Variants in GPSM2 observed in about 807,000 individuals in gnomAD.
The protein encoded by GPSM2 is G protein-signaling modulator 2.
In GPSM2, 58 loss-of-function variants were observed where a neutral mutation model predicts 78.4. That is an observed-to-expected ratio of 0.74 (90% CI 0.60 to 0.92). GPSM2 has a LOEUF of 0.92. Among genes scored for constraint, GPSM2 ranks in the 40% least tolerant of loss-of-function variants. GPSM2 has a pLI of 0.00. For synonymous variants in GPSM2, 224 were observed against 280.2 expected (o/e 0.80, Z 2.00); for missense variants, 700 against 815.5 (o/e 0.86, Z 1.73).
chr1:108,904,182 G>C lies in GPSM2; in HGVS notation c.1120G>C (p.Val374Leu). Residue 374 changes from valine to leucine, a missense_variant, in exon 10 of 15, where the codon GTT becomes CTT. Transcript: ENST00000264126. ...ARLNLSDLQMVLGLSYSTNNS... is the reference protein window; with the variant it reads ...ARLNLSDLQMLLGLSYSTNNS... ...ACTTAATCTCTCAGACCTTCAAATG[G>C]TTCTTGGTCTGAGCTACAGCACAAA... The C allele has an allele frequency of 6.3e-6, 10 of 1,593,650 alleles. No homozygotes were observed. Among genetic ancestry groups the C allele is most frequent in the Non-Finnish European group, 7.7e-6 (9 of 1,162,036 alleles).
intron 1 of GPSM2, among the ~76,000 whole-genome samples, chr1:108,878,755 G>T (rs1436541149): frequency 6.6e-6 from 1 of 152,112 alleles, no homozygotes; most frequent in African/African-American, 2.4e-5. Flanking sequence ...GCACTATGTT[G>T]AGTACTTTTG....
At chr1:108,906,783 C>G (rs1035221074) in intron 10 of GPSM2, among the ~76,000 whole-genome samples, 5 of 152,130 alleles carry the variant, frequency 3.3e-5, no homozygotes, top group African/African-American at 9.7e-5. Context: ...GAGGCTGAGG[C>G]AGGAGAATCG....
chr1:108,886,892 G>GT (rs572236285), intron 2 of GPSM2, among the ~76,000 whole-genome samples: 2,456 of 142,006 alleles, frequency 0.017, 32 homozygotes, highest in Non-Finnish European at 0.017. Flanking sequence ...TTGTGTTTTT[G>GT]TTTTTTTTTT....
chr1:108,924,398 A>G, intron 14 of GPSM2, 184 bp downstream of exon 14: 1 of 661,856 alleles, frequency 1.5e-6, no homozygotes, highest in Non-Finnish European at 2.8e-6. Context: ...TCGAGGACAC[A>G]CTTGATTTTT....
At chr1:108,898,612 AT>A (rs1648558753) in intron 5 of GPSM2, 29 bp from the exon 6 acceptor site, 1 of 1,610,916 alleles carries the variant, frequency 6.2e-7, no homozygotes. Flanking sequence ...CTGCAAACTT[AT>A]TTTTTCATCA....
chr1:108,888,797 T>C (rs547760513), intron 2 of GPSM2, among the ~76,000 whole-genome samples: 1 of 152,194 alleles, frequency 6.6e-6, no homozygotes, highest in Non-Finnish European at 1.5e-5. Context: ...CTGTAAATAG[T>C]TCACGTTAGG....
intron 1 of GPSM2, 67 bp downstream of exon 1, chr1:108,877,295 G>GGTGCGTGTGC: frequency 6.6e-6 from 1 of 152,454 alleles, no homozygotes; most frequent in East Asian, 1.9e-4. Flanking sequence ...GACAGGGAGG[G>GGTGCGTGTGC]GTGCGTGTGC....
At chr1:108,898,138 A>G in intron 5 of GPSM2, 37 bp downstream of exon 5, 1 of 1,598,766 alleles carries the variant, frequency 6.3e-7, no homozygotes, top group Non-Finnish European at 8.6e-7. Context: ...ATGTAGGCCC[A>G]TCTAAGCCGT....
At chr1:108,907,439 T>G (rs1649325594) in intron 10 of GPSM2, among the ~76,000 whole-genome samples, 1 of 152,096 alleles carries the variant, frequency 6.6e-6, no homozygotes, top group African/African-American at 2.4e-5. Flanking sequence ...TTCCAGGTCA[T>G]AAGCGTTTCA....
intron 10 of GPSM2, among the ~76,000 whole-genome samples, chr1:108,912,654 C>T (rs937649444): frequency 5.9e-5 from 9 of 151,568 alleles, no homozygotes; most frequent in East Asian, 1.9e-4. Context: ...GTGGGAGGAT[C>T]GCTTTGAGCC....
intron 12 of GPSM2, among the ~76,000 whole-genome samples, chr1:108,919,037 T>C (rs1216282573): frequency 6.6e-6 from 1 of 152,076 alleles, no homozygotes; most frequent in East Asian, 1.9e-4. Flanking sequence ...AGATGGAATC[T>C]TGCTCTGTCA....
Position 108,924,456 on chromosome 1 carries a change from T to G in GPSM2, c.1815+242T>G, listed in dbSNP as rs566457764. ...AGACGTGTGTGTGTGTGTATATATA[T>G]AGAGAGAGAGTATATGTGTGTTGTA... On this transcript the variant is annotated intron_variant, in intron 14 of 14. Transcript: ENST00000264126. The G allele has an allele frequency of 2.7e-3, 1,486 of 548,802 alleles. 14 individuals are homozygous for G. The highest frequency in any genetic ancestry group is 0.014 in the South Asian group (700 of 50,422). The allele number at this position is 548,802 out of a possible 1,614,324, so 34.0% of individuals were successfully genotyped here.
Position 108,927,338 on chromosome 1 carries a change from C to T in GPSM2, c.1816-2363C>T, listed in dbSNP as rs996234018. ...GAACCTCAAGGGATCCCCAAATATC[C>T]GAAATAGTCTTGAGAATAAAGCTTT... On this transcript the variant is annotated intron_variant, in intron 14 of 14. Transcript: ENST00000264126. 2.6e-5 allele frequency among the ~76,000 whole-genome samples: 4 copies of T among 152,124 alleles called. No individual in the cohort carries two copies. In the East Asian group the frequency reaches 5.8e-4, roughly 22 times the overall value.
chr1:108,900,676 C>G (rs921663818), intron 7 of GPSM2, among the ~76,000 whole-genome samples: 1 of 152,196 alleles, frequency 6.6e-6, no homozygotes, highest in African/African-American at 2.4e-5. Flanking sequence ...TACAAATCAA[C>G]TGTACCATCA....
chr1:108,929,144 ATT>A (rs1651444227), intron 14 of GPSM2, among the ~76,000 whole-genome samples: 2 of 152,176 alleles, frequency 1.3e-5, no homozygotes, highest in South Asian at 2.1e-4. Context: ...CAACTCTGCC[ATT>A]TAGTAGGGAA....
intron 14 of GPSM2, chr1:108,924,470 A>AT: frequency 2.0e-6 from 1 of 509,914 alleles, no homozygotes; most frequent in Non-Finnish European, 3.6e-6. Context: ...GAGAGAGTAT[A>AT]TGTGTGTTGT....
chr1:108,891,664 A>AT (rs58295802), intron 2 of GPSM2, among the ~76,000 whole-genome samples: 17,635 of 117,134 alleles, frequency 0.15, 1,809 homozygotes, highest in African/African-American at 0.29. Context: ...CAGCCAGCTA[A>AT]TTTTTTTTTT....
intron 10 of GPSM2, among the ~76,000 whole-genome samples, chr1:108,905,647 C>A (rs1344930340): frequency 7.9e-5 from 12 of 152,062 alleles, no homozygotes. Flanking sequence ...AGTTCTTGGA[C>A]CTCTTCTTCC....
intron 1 of GPSM2, 124 bp downstream of exon 1, chr1:108,877,352 TG>T (rs1665681972): frequency 1.3e-5 from 2 of 151,612 alleles, no homozygotes; most frequent in African/African-American, 4.9e-5. Context: ...TGACGTCCTT[TG>T]TTTTGGGCAG....
Sources: allele counts gnomAD v4.1 joint callset (sites outside exome capture counted in the v4.1 genomes callset), GRCh38; gene constraint gnomAD v4.1.1; transcripts MANE v1.5; gene names NCBI Gene and HGNC (gene_info 2026-07-23, HGNC 2026-07-21).